Variants in MRTFB observed in about 807,000 individuals in gnomAD.
MRTFB encodes the protein myocardin-related transcription factor B.
MRTFB carries 29 observed loss-of-function variants against 104.2 expected under a neutral mutation model. The observed-to-expected ratio is 0.28, with a 90% CI of 0.21 to 0.38. The LOEUF is 0.38. MRTFB is among the 10% of genes least tolerant of loss of function. The pLI, the probability that MRTFB is intolerant of heterozygous loss-of-function variation, is 1.00. For synonymous variants in MRTFB, 535 were observed against 519.5 expected, an observed-to-expected ratio of 1.03 and a Z score of -0.41; for missense variants, 1,270 against 1,341.6, an observed-to-expected ratio of 0.95 and a Z score of 0.83.
intron 10 of MRTFB, among the ~76,000 whole-genome samples, chr16:14,245,054 G>A (rs894590901): frequency 1.4e-4 from 22 of 152,240 alleles, no homozygotes; most frequent in South Asian, 1.0e-3. Flanking sequence ...AATTTCCAAC[G>A]TAGCATGGCA....
intron 4 of MRTFB, among the ~76,000 whole-genome samples, chr16:14,211,626 G>A (rs112284470): frequency 1.3e-5 from 2 of 152,252 alleles, no homozygotes; most frequent in African/African-American, 4.8e-5. Flanking sequence ...TGTAGGTGAC[G>A]ATTTGGTAAG....
At chr16:14,209,575 G>A (rs963349008) in intron 3 of MRTFB, among the ~76,000 whole-genome samples, 5 of 152,042 alleles carry the variant, frequency 3.3e-5, no homozygotes, top group African/African-American at 4.8e-5. Flanking sequence ...TTGGCAAACT[G>A]GATGTCTCCA....
the MRTFB span, among the ~76,000 whole-genome samples, chr16:14,012,049 A>G: frequency 6.6e-6 from 1 of 151,972 alleles, no homozygotes; most frequent in Non-Finnish European, 1.5e-5. Context: ...GAAGAATTGG[A>G]AAGATCTGGG....
chr16:14,257,617 C>T (rs2043556044), intron 15 of MRTFB, among the ~76,000 whole-genome samples: 1 of 151,610 alleles, frequency 6.6e-6, no homozygotes, highest in African/African-American at 2.4e-5. Context: ...ACTTTAAGGG[C>T]GATGGATATG....
chr16:14,171,392 T>C (rs1473791843), intron 3 of MRTFB, among the ~76,000 whole-genome samples: 1 of 151,900 alleles, frequency 6.6e-6, no homozygotes, highest in Non-Finnish European at 1.5e-5. Flanking sequence ...CTACTCGGGA[T>C]GCTGAGGCAG....
intron 3 of MRTFB, among the ~76,000 whole-genome samples, chr16:14,167,146 T>C (rs113331858): frequency 0.057 from 8,620 of 152,308 alleles, 752 homozygotes; most frequent in African/African-American, 0.19. Flanking sequence ...AGCGTTCCTA[T>C]TTCTCCGCAG....
chr16:14,205,593 G>A (rs1397695075), intron 3 of MRTFB, among the ~76,000 whole-genome samples: 1 of 152,144 alleles, frequency 6.6e-6, no homozygotes, highest in Non-Finnish European at 1.5e-5. Context: ...GGATTGTTTA[G>A]CCTTTACCTT....
chr16:14,250,941 A>G (rs2043228642), intron 13 of MRTFB, among the ~76,000 whole-genome samples: 1 of 152,206 alleles, frequency 6.6e-6, no homozygotes, highest in Admixed American at 6.5e-5. Context: ...GGCAGGGGGT[A>G]ATGGGAAAAA....
At chr16:14,046,642 C>A in the MRTFB span, among the ~76,000 whole-genome samples, 4 of 152,188 alleles carry the variant, frequency 2.6e-5, no homozygotes, top group Non-Finnish European at 4.4e-5. Flanking sequence ...AGGTGCTAAT[C>A]CTCCAGCTCA....
the MRTFB span, among the ~76,000 whole-genome samples, chr16:14,026,763 A>G: frequency 6.6e-6 from 1 of 152,232 alleles, no homozygotes; most frequent in African/African-American, 2.4e-5. Flanking sequence ...ATTTCACTGA[A>G]GAGGATATAT....
the MRTFB span, chr16:14,018,864 A>G: frequency 1.1e-4 from 17 of 152,280 alleles, no homozygotes; most frequent in African/African-American, 3.6e-4. Flanking sequence ...TCTGCCCATC[A>G]GTTTAACATT....
the MRTFB span, among the ~76,000 whole-genome samples, chr16:14,045,509 C>T: frequency 6.6e-6 from 1 of 152,182 alleles, no homozygotes; most frequent in African/African-American, 2.4e-5. Context: ...TATTCGAAAA[C>T]CTTACCTGTT....
intron 2 of MRTFB, among the ~76,000 whole-genome samples, chr16:14,137,123 A>G (rs964845897): frequency 1.4e-4 from 22 of 152,310 alleles, no homozygotes; most frequent in African/African-American, 5.3e-4. Context: ...AGAGTAGTCA[A>G]TTCTATGTGT....
chr16:14,219,110 AT>A, intron 8 of MRTFB, 112 bp downstream of exon 8: 1 of 1,153,778 alleles, frequency 8.7e-7, no homozygotes, highest in Non-Finnish European at 1.1e-6. Context: ...ATTTAAATTG[AT>A]TTATTAAGCA....
At chr16:14,252,709 A>C (rs942911360) in intron 15 of MRTFB, among the ~76,000 whole-genome samples, 1 of 152,212 alleles carries the variant, frequency 6.6e-6, no homozygotes, top group African/African-American at 2.4e-5. Flanking sequence ...GTATAACTGC[A>C]TTTACTGTTT....
chr16:14,127,921 ATATATATATTTTTTTTTTTTTTT>A (rs961546568), intron 2 of MRTFB, among the ~76,000 whole-genome samples: 1 of 39,910 alleles, frequency 2.5e-5, no homozygotes, highest in African/African-American at 2.2e-4. Context: ...ATATATATAT[ATATATATATTTTTTTTTTTTTTT>A]TTTTTTTCTT....
the MRTFB span, among the ~76,000 whole-genome samples, chr16:13,997,900 G>A: frequency 6.6e-6 from 1 of 151,912 alleles, no homozygotes; most frequent in African/African-American, 2.4e-5. Context: ...AGACAAGCAT[G>A]ATGCTTGCCT....
At chr16:14,238,865 C>T (rs1597347012) in intron 9 of MRTFB, among the ~76,000 whole-genome samples, 2 of 152,236 alleles carry the variant, frequency 1.3e-5, no homozygotes, top group African/African-American at 4.8e-5. Flanking sequence ...AAAATAGGCT[C>T]CTAGTTAATT....
intron 7 of MRTFB, 112 bp from the exon 8 acceptor site, chr16:14,218,708 T>C (rs1247244611): frequency 9.3e-7 from 1 of 1,078,776 alleles, no homozygotes; most frequent in Admixed American, 2.8e-5. Context: ...GTTCAATTTT[T>C]TTTTTAAGCA....
Sources: allele counts gnomAD v4.1 joint callset (sites outside exome capture counted in the v4.1 genomes callset), GRCh38; gene constraint gnomAD v4.1.1; transcripts MANE v1.5; gene names NCBI Gene and HGNC (gene_info 2026-07-23, HGNC 2026-07-21).